MRPL34: variants seen among roughly 807,000 people sequenced by gnomAD.
MRPL34 encodes mitochondrial ribosomal protein L34.
MRPL34 carries 8 observed loss-of-function variants against 6.7 expected under a neutral mutation model. The ratio of observed to expected loss-of-function variants is 1.20; its 90% CI spans 0.70 to 2.16. MRPL34 has a LOEUF of 2.16. Among genes scored for constraint, MRPL34 ranks in the 30% most tolerant of loss-of-function variants. The pLI, the probability that MRPL34 is intolerant of heterozygous loss-of-function variation, is 0.00. For synonymous variants in MRPL34, 59 were observed against 55.1 expected (o/e 1.07, Z -0.31); for missense variants, 146 against 125.5 (o/e 1.16, Z -0.78).
upstream of MRPL34, among the ~76,000 whole-genome samples, chr19:17,300,169 G>A (rs530955894): frequency 6.6e-6 from 1 of 152,180 alleles, no homozygotes; most frequent in Non-Finnish European, 1.5e-5. Context: ...CTCCCAAAGT[G>A]CTGGGATTAC....
At chr19:17,302,635 A>G (rs1428682556), upstream of MRPL34, among the ~76,000 whole-genome samples, 4 of 151,966 alleles carry the variant, frequency 2.6e-5, no homozygotes, top group Non-Finnish European at 5.9e-5. Flanking sequence ...AGGCCCAGAC[A>G]CTCTGAGAGG....
chr19:17,298,669 C>T (rs749836481), upstream of MRPL34, among the ~76,000 whole-genome samples: 4 of 151,054 alleles, frequency 2.6e-5, no homozygotes, highest in Non-Finnish European at 5.9e-5. Context: ...ACTAAACATC[C>T]TATAGCCCCT....
intron 1 of MRPL34, chr19:17,294,140 A>G (rs1361174942): frequency 2.1e-6 from 2 of 933,404 alleles, no homozygotes; most frequent in Non-Finnish European, 3.1e-6. Flanking sequence ...AGATACAGCA[A>G]CTAGAGGCCA....
At chr19:17,299,937 T>C (rs565662433), upstream of MRPL34, among the ~76,000 whole-genome samples, 3 of 150,460 alleles carry the variant, frequency 2.0e-5, no homozygotes, top group Admixed American at 6.7e-5. Context: ...TCTCCTTCTG[T>C]CGCCCAGGCT....
In MRPL34 at chr19:17,306,509, T is replaced by C; in HGVS notation, c.*130T>C. On this transcript the variant is annotated 3_prime_UTR_variant, in exon 2 of 2. Transcript: ENST00000252602. ...CCTGAGTGCTCTCCATATTGTGGGG[T>C]TGAAGTCTGGATGGGAGCTTGCCAA... 1.2e-6 allele frequency: 1 copy of C among 848,996 alleles called. No homozygotes were observed. Among genetic ancestry groups the C allele is most frequent in the Non-Finnish European group, 1.8e-6 (1 of 567,010 alleles). 52.6% of individuals were successfully genotyped at this position (848,996 alleles called of 1,614,324 possible). A position where few individuals can be genotyped will look rare whatever the true frequency, so the allele number is the denominator to read the frequency against.
intron 1 of MRPL34, 82 bp from the exon 2 acceptor site, chr19:17,306,084 G>A: frequency 6.6e-7 from 1 of 1,508,500 alleles, no homozygotes; most frequent in Non-Finnish European, 9.0e-7. Context: ...TCTGTCTCCG[G>A]GAGCCGAGGC....
At chr19:17,294,750 C>T (rs2074086183) in intron 1 of MRPL34, 1 of 1,614,058 alleles carries the variant, frequency 6.2e-7, no homozygotes, top group Non-Finnish European at 8.5e-7. Flanking sequence ...TGAGCAGAAG[C>T]TGGGCTCCAG....
intron 1 of MRPL34, chr19:17,297,744 CT>C (rs71334702): frequency 0.55 from 71,048 of 130,212 alleles, 18,614 homozygotes; most frequent in Non-Finnish European, 0.65. Flanking sequence ...GTTTTCTTTT[CT>C]TTTTTTTTTT....
upstream of MRPL34, chr19:17,305,764 G>T: frequency 2.1e-6 from 2 of 953,674 alleles, no homozygotes; most frequent in Non-Finnish European, 3.2e-6. Flanking sequence ...CAACTTCAGG[G>T]TTTTCCCCAA....
At chr19:17,303,428 G>A (rs1054936149), upstream of MRPL34, 1 of 152,298 alleles carries the variant, frequency 6.6e-6, no homozygotes, top group African/African-American at 2.4e-5. Flanking sequence ...GGCCCTTTAA[G>A]TTCCTCCCCC....
upstream of MRPL34, chr19:17,301,351 C>T (rs754123574): frequency 1.9e-6 from 3 of 1,609,708 alleles, no homozygotes; most frequent in Non-Finnish European, 2.5e-6. Context: ...CACCAGCAAC[C>T]GCCCATTGCG....
intron 1 of MRPL34, chr19:17,294,536 T>C (rs753308937): frequency 6.2e-7 from 1 of 1,612,892 alleles, no homozygotes; most frequent in Admixed American, 1.7e-5. Flanking sequence ...CTAGAGCCCC[T>C]TATGCCAGCC....
intron 1 of MRPL34, chr19:17,296,228 A>G (rs922093524): frequency 1.4e-5 from 2 of 144,412 alleles, no homozygotes; most frequent in Non-Finnish European, 3.0e-5. Flanking sequence ...ATTGTTTAAA[A>G]TTTTTGTAGA....
At chr19:17,295,131 C>T (rs2074088292) in intron 1 of MRPL34, among the ~76,000 whole-genome samples, 1 of 131,576 alleles carries the variant, frequency 7.6e-6, no homozygotes, top group Non-Finnish European at 1.6e-5. Context: ...CGGAGTCTCG[C>T]TCTGTCGCCC....
chr19:17,303,902 G>T (rs1228445100), upstream of MRPL34, among the ~76,000 whole-genome samples: 1 of 152,188 alleles, frequency 6.6e-6, no homozygotes, highest in Non-Finnish European at 1.5e-5. Flanking sequence ...GCTGGGACTT[G>T]AACCCAAGGC....
upstream of MRPL34, chr19:17,298,545 T>G (rs957749565): frequency 6.6e-6 from 1 of 152,068 alleles, no homozygotes; most frequent in East Asian, 1.9e-4. Flanking sequence ...GGTTCTCAGC[T>G]GGGGGTAATT....
At chr19:17,295,386 C>A (rs934932842) in intron 1 of MRPL34, among the ~76,000 whole-genome samples, 4 of 152,004 alleles carry the variant, frequency 2.6e-5, no homozygotes, top group Non-Finnish European at 5.9e-5. Flanking sequence ...GGATTACAGG[C>A]CTGAGCCACT....
upstream of MRPL34, among the ~76,000 whole-genome samples, chr19:17,303,682 CCT>C (rs1203216838): frequency 2.0e-5 from 3 of 152,232 alleles, no homozygotes; most frequent in East Asian, 1.9e-4. Flanking sequence ...CGGCCGGGGC[CCT>C]CTCTCTGCAA....
In MRPL34 at chr19:17,306,337, C is replaced by T; in HGVS notation, c.237C>T (p.Ile79=). ...GCACGCCGGCCGGCGTGCAGGTCAT[C>T]CTTCGCCGAATGCTCAAGGGCCGCA... is the stretch of plus-strand genomic sequence containing the variant. ...RLSTPAGVQV[I]LRRMLKGRKS... Residue 79 remains isoleucine (I), a synonymous_variant, in exon 2 of 2, where the codon ATC becomes ATT. Coordinates refer to ENST00000252602, the MANE Select transcript of MRPL34 (RefSeq NM_023937.4). The T allele has an allele frequency of 6.2e-7, 1 of 1,609,392 alleles. No homozygotes were observed. The highest frequency in any genetic ancestry group is 1.8e-4 in the Middle Eastern group (1 of 5,442).
Sources: gnomAD v4.1 joint callset for allele counts (sites outside exome capture counted in the v4.1 genomes callset) on GRCh38, gnomAD v4.1.1 for gene constraint, MANE v1.5 for transcripts, NCBI Gene and HGNC (gene_info 2026-07-23, HGNC 2026-07-21) for gene names.